The following DMD variants were observed in gnomAD, a reference collection of about 807,000 sequenced individuals.
DMD encodes mutant dystrophin.
In DMD, 63 loss-of-function variants were observed where a neutral mutation model predicts 330.1. The ratio of observed to expected loss-of-function variants is 0.19; its 90% CI spans 0.16 to 0.24. DMD has a LOEUF of 0.24. Among genes scored for constraint, DMD ranks in the 10% least tolerant of loss-of-function variants. The pLI, the probability that DMD is intolerant of heterozygous loss-of-function variation, is 1.00. For synonymous variants in DMD, 1,223 were observed against 959.8 expected, an observed-to-expected ratio of 1.27 and a Z score of -5.07; for missense variants, 3,344 against 2,684.1, an observed-to-expected ratio of 1.25 and a Z score of -5.43.
intron 2 of DMD, among the ~76,000 whole-genome samples, chrX:32,959,810 C>A (rs1439103549): frequency 3.6e-5 from 4 of 111,630 alleles, no homozygotes; most frequent in Non-Finnish European, 7.5e-5. Context: ...ATGCCTGGAG[C>A]TCCTGCTACA....
At chrX:32,622,912 ACTTTGAATGACAACATTC>A (rs2058093348) in intron 11 of DMD, among the ~76,000 whole-genome samples, 1 of 111,695 alleles carries the variant, frequency 9.0e-6, no homozygotes, top group Non-Finnish European at 1.9e-5. Flanking sequence ...CATGGATCAC[ACTTTGAATGACAACATTC>A]CAGGTAAGAA....
chrX:32,720,835 C>A (rs1228030230), intron 7 of DMD, among the ~76,000 whole-genome samples: 1 of 110,836 alleles, frequency 9.0e-6, no homozygotes. Flanking sequence ...TTTATTTATC[C>A]CACATAACTG....
chrX:32,699,361 A>G (rs2063910498), intron 7 of DMD, 68 bp from the exon 8 acceptor site: 3 of 880,552 alleles, frequency 3.4e-6, no homozygotes, highest in Non-Finnish European at 5.0e-6. Context: ...AGGATAATGA[A>G]CAAATCAAAG....
intron 47 of DMD, among the ~76,000 whole-genome samples, chrX:31,923,594 CTTTT>C (rs746084752): frequency 5.2e-5 from 4 of 76,208 alleles, no homozygotes; most frequent in Middle Eastern, 6.8e-3. Flanking sequence ...GGTGAACACC[CTTTT>C]TTTTTTTTTT....
intron 1 of DMD, among the ~76,000 whole-genome samples, chrX:33,034,137 TATA>T (rs1357335135): frequency 1.8e-5 from 2 of 111,209 alleles, no homozygotes; most frequent in Non-Finnish European, 3.8e-5. Context: ...TATGCATGTG[TATA>T]ATTTTATATT....
intron 44 of DMD, among the ~76,000 whole-genome samples, chrX:32,186,280 A>G (rs1277827198): frequency 9.0e-6 from 1 of 111,372 alleles, no homozygotes; most frequent in Non-Finnish European, 1.9e-5. Flanking sequence ...TATCCATTTC[A>G]GTCCATCTTT....
chrX:31,595,054 A>G (rs1365811088), intron 55 of DMD, among the ~76,000 whole-genome samples: 1 of 111,655 alleles, frequency 9.0e-6, no homozygotes, highest in Non-Finnish European at 1.9e-5. Flanking sequence ...AATATGCTTT[A>G]TAGTAGTATT....
At chrX:32,616,690 C>T (rs867529880) in intron 11 of DMD, among the ~76,000 whole-genome samples, 1 of 60,218 alleles carries the variant, frequency 1.7e-5, no homozygotes, top group Non-Finnish European at 2.9e-5. Flanking sequence ...GTTCTGGTTC[C>T]TTTTTTTTTT....
chrX:31,624,951 G>T (rs959140911), intron 55 of DMD, among the ~76,000 whole-genome samples: 1 of 111,920 alleles, frequency 8.9e-6, no homozygotes, highest in Non-Finnish European at 1.9e-5. Flanking sequence ...TTCAAGCTCG[G>T]CATTTCCATT....
At chrX:31,264,737 G>A (rs2050868414) in intron 62 of DMD, among the ~76,000 whole-genome samples, 1 of 111,680 alleles carries the variant, frequency 9.0e-6, no homozygotes, top group African/African-American at 3.3e-5. Context: ...ACACCTACTT[G>A]TCAATAATAA....
chrX:32,135,731 A>G (rs1362419759), intron 44 of DMD, among the ~76,000 whole-genome samples: 2 of 112,332 alleles, frequency 1.8e-5, no homozygotes, highest in African/African-American at 3.2e-5. Context: ...AAAAAATGTG[A>G]TCCACAAAAA....
intron 7 of DMD, 137 bp from the exon 8 acceptor site, chrX:32,699,430 T>A: frequency 1.8e-6 from 1 of 542,055 alleles, no homozygotes; most frequent in African/African-American, 2.2e-5. Flanking sequence ...CTCCAGAGAC[T>A]AATTAGAACA....
At chrX:32,019,370 AT>A (rs2095790791) in intron 44 of DMD, among the ~76,000 whole-genome samples, 1 of 111,756 alleles carries the variant, frequency 8.9e-6, no homozygotes, top group Non-Finnish European at 1.9e-5. Flanking sequence ...TTCTTGCCGA[AT>A]TTTATAATTT....
chrX:31,395,038 T>C (rs2060860254), intron 60 of DMD, among the ~76,000 whole-genome samples: 1 of 109,711 alleles, frequency 9.1e-6, no homozygotes, highest in African/African-American at 3.3e-5. Context: ...CTGGTTGTTG[T>C]TTCTGTTTTT....
intron 44 of DMD, among the ~76,000 whole-genome samples, chrX:32,109,989 A>AAATT (rs2146613762): frequency 8.9e-6 from 1 of 111,862 alleles, no homozygotes; most frequent in African/African-American, 3.2e-5. Context: ...AAAGAAAACC[A>AAATT]AATTAACCAG....
chrX:32,773,038 G>A (rs370631081), intron 7 of DMD, among the ~76,000 whole-genome samples: 10 of 111,556 alleles, frequency 9.0e-5, no homozygotes, highest in East Asian at 8.5e-4. Flanking sequence ...GTATCCTTCC[G>A]TCATGCTCCT....
At chrX:32,643,767 G>A (rs978541627) in intron 11 of DMD, among the ~76,000 whole-genome samples, 6 of 111,360 alleles carry the variant, frequency 5.4e-5, no homozygotes, top group East Asian at 5.7e-4. Context: ...GAGAAGTTTC[G>A]TGTCAACTAT....
intron 2 of DMD, among the ~76,000 whole-genome samples, chrX:32,868,344 C>T (rs770852635): frequency 1.8e-5 from 2 of 111,297 alleles, no homozygotes; most frequent in African/African-American, 6.5e-5. Context: ...TTTCCGGGGG[C>T]GGGGGCGGCC....
At chrX:33,281,597 TTTTG>T (rs747562621) in intron 1 of DMD, among the ~76,000 whole-genome samples, 4 of 111,283 alleles carry the variant, frequency 3.6e-5, no homozygotes, top group Non-Finnish European at 3.8e-5. Flanking sequence ...CTCATTCTAG[TTTTG>T]TTTGTTTGTT....
Sources: gnomAD v4.1 joint callset for allele counts (sites outside exome capture counted in the v4.1 genomes callset) on GRCh38, gnomAD v4.1.1 for gene constraint, MANE v1.5 for transcripts, NCBI Gene and HGNC (gene_info 2026-07-23, HGNC 2026-07-21) for gene names.